The following FBLN5 variants were observed in gnomAD, a reference collection of about 807,000 sequenced individuals.
FBLN5 encodes the protein fibulin 5.
FBLN5 carries 24 observed loss-of-function variants against 61.6 expected under a neutral mutation model. That is an observed-to-expected ratio of 0.39 (90% CI 0.28 to 0.55). The LOEUF is 0.55. Among genes scored for constraint, FBLN5 ranks in the 20% least tolerant of loss-of-function variants. FBLN5 has a pLI of 0.65. For synonymous variants in FBLN5, 213 were observed against 219.8 expected (o/e 0.97, Z 0.27); for missense variants, 470 against 594.1 (o/e 0.79, Z 2.17).
At chr14:91,887,814 C>T (rs1051826792) in intron 6 of FBLN5, among the ~76,000 whole-genome samples, 13 of 152,100 alleles carry the variant, frequency 8.5e-5, no homozygotes, top group African/African-American at 2.2e-4. Flanking sequence ...ATCCTTACAA[C>T]GAGGACCATT....
chr14:91,879,266 T>C (rs979973668), intron 9 of FBLN5, among the ~76,000 whole-genome samples: 8 of 152,076 alleles, frequency 5.3e-5, no homozygotes, highest in Admixed American at 3.9e-4. Context: ...ATCTGAAAGA[T>C]GGGGCAGGAC....
At chr14:91,903,749 C>T (rs1220557439) in intron 4 of FBLN5, among the ~76,000 whole-genome samples, 2 of 152,176 alleles carry the variant, frequency 1.3e-5, no homozygotes, top group Non-Finnish European at 2.9e-5. Flanking sequence ...CTTCCCTTCA[C>T]GTCCCACTCT....
At chr14:91,931,448 TAACTC>T (rs958315319) in intron 4 of FBLN5, among the ~76,000 whole-genome samples, 15 of 152,054 alleles carry the variant, frequency 9.9e-5, no homozygotes, top group African/African-American at 3.6e-4. Context: ...TCAGGAAAAA[TAACTC>T]AAGAGAAAGC....
chr14:91,917,793 C>G (rs1891258947), intron 4 of FBLN5, among the ~76,000 whole-genome samples: 1 of 152,038 alleles, frequency 6.6e-6, no homozygotes, highest in Admixed American at 6.6e-5. Context: ...AGCCACAGCA[C>G]CAAGAGTAAC....
At chr14:91,887,161 A>G (rs1421602861) in intron 7 of FBLN5, 32 bp downstream of exon 7, 11 of 1,612,974 alleles carry the variant, frequency 6.8e-6, no homozygotes, top group South Asian at 2.2e-5. Flanking sequence ...CCCCAAGTAC[A>G]GGTGGAAGTT....
chr14:91,943,100 T>C lies in FBLN5; in HGVS notation c.18-139A>G. The C allele has an allele frequency of 1.4e-6, 1 of 708,492 alleles. No homozygotes were observed. The highest frequency in any genetic ancestry group is 2.6e-6 in the Non-Finnish European group (1 of 384,220). The allele number at this position is 708,492 out of a possible 1,614,324, so 43.9% of individuals were successfully genotyped here. On this transcript the variant is annotated intron_variant, in intron 1 of 10. Transcript: ENST00000342058. This position sits in a 1 kb window ranked among gnomAD's most constrained non-coding sequence, Gnocchi z 4.0. ...GGTGGGGTGTGCTCCAGGGAGGTCA[T>C]GGTGGTTCCAGACACCGCGACCACC...
intron 4 of FBLN5, among the ~76,000 whole-genome samples, chr14:91,934,261 A>G (rs569005836): frequency 1.6e-4 from 25 of 152,286 alleles, no homozygotes; most frequent in Middle Eastern, 3.4e-3. Flanking sequence ...GACTCTGAGC[A>G]CCCTCGAACA....
At chr14:91,946,261 C>A (rs74360508) in intron 1 of FBLN5, among the ~76,000 whole-genome samples, 1,671 of 147,958 alleles carry the variant, frequency 0.011, 36 homozygotes, top group South Asian at 0.095. Context: ...CACAGCATCA[C>A]GAATAGCTGC....
At position 91,943,053 on chromosome 14, in the gene FBLN5, A is replaced by T; in HGVS notation, c.18-92T>A. Reference sequence around the variant, plus strand: ...ATGCGGCCCGTGACGTGTAACGGTGATATCACCTTGGGCTTGTATGGGGTG... The same window carrying T: ...ATGCGGCCCGTGACGTGTAACGGTGTTATCACCTTGGGCTTGTATGGGGTG... On this transcript the variant is annotated intron_variant, in intron 1 of 10. Coordinates refer to ENST00000342058, the MANE Select transcript of FBLN5 (RefSeq NM_006329.4). The surrounding 1 kb of genome is among the most constrained non-coding windows in gnomAD (Gnocchi z 4.0). The T allele has an allele frequency of 2.3e-6, 2 of 852,526 alleles. No homozygotes were observed. The highest frequency in any genetic ancestry group is 2.0e-5 in the Admixed American group (1 of 50,082). The allele number at this position is 852,526 out of a possible 1,614,324, so 52.8% of individuals were successfully genotyped here.
chr14:91,924,684 C>T (rs1032857406), intron 4 of FBLN5, among the ~76,000 whole-genome samples: 3 of 151,938 alleles, frequency 2.0e-5, no homozygotes, highest in East Asian at 1.9e-4. Flanking sequence ...AATACAATGG[C>T]GAATAAGACA....
chr14:91,934,860 C>T (rs928703744), intron 4 of FBLN5, among the ~76,000 whole-genome samples: 10 of 152,228 alleles, frequency 6.6e-5, no homozygotes, highest in Non-Finnish European at 1.2e-4. Flanking sequence ...TTGGAAGGAG[C>T]GGTAGGTAGA....
At chr14:91,888,834 G>A (rs1406774070) in intron 6 of FBLN5, among the ~76,000 whole-genome samples, 2 of 152,034 alleles carry the variant, frequency 1.3e-5, no homozygotes, top group Non-Finnish European at 2.9e-5. Context: ...CTTTCCCACT[G>A]GCATTGGTTG....
At chr14:91,946,334 TG>T (rs776184182) in intron 1 of FBLN5, among the ~76,000 whole-genome samples, 3 of 151,558 alleles carry the variant, frequency 2.0e-5, no homozygotes, top group African/African-American at 7.3e-5. Flanking sequence ...TAAGAATAGC[TG>T]GGGGGAGGCA....
intron 6 of FBLN5, among the ~76,000 whole-genome samples, chr14:91,890,680 G>A (rs1889952302): frequency 6.6e-6 from 1 of 152,222 alleles, no homozygotes. Context: ...GGCACGCTGA[G>A]TAGCAGGGGA....
intron 4 of FBLN5, among the ~76,000 whole-genome samples, chr14:91,933,265 TTTTTTTATTTTAA>T (rs1383376044): frequency 8.5e-5 from 13 of 152,250 alleles, no homozygotes; most frequent in Non-Finnish European, 1.2e-4. Flanking sequence ...TTTTTGGAAG[TTTTTTTATTTTAA>T]TTTTTTATTT....
intron 8 of FBLN5, among the ~76,000 whole-genome samples, chr14:91,881,717 C>T (rs1889482116): frequency 6.6e-6 from 1 of 151,978 alleles, no homozygotes; most frequent in Admixed American, 6.6e-5. Flanking sequence ...CACTTGAAGC[C>T]AGGAGTTCAA....
intron 2 of FBLN5, among the ~76,000 whole-genome samples, chr14:91,941,728 G>T (rs558821717): frequency 6.6e-6 from 1 of 152,068 alleles, no homozygotes; most frequent in African/African-American, 2.4e-5. Context: ...TCTCACTCTA[G>T]CCCCTACTCT....
chr14:91,903,352 T>A (rs537928725), intron 4 of FBLN5, among the ~76,000 whole-genome samples: 1 of 152,318 alleles, frequency 6.6e-6, no homozygotes, highest in African/African-American at 2.4e-5. Context: ...CCTCCCTTGA[T>A]CACTGGTGGG....
Position 91,891,487 on chromosome 14 carries a change from C to T in FBLN5, c.503-150G>A, listed in dbSNP as rs79340309. On this transcript the variant is annotated intron_variant, in intron 5 of 10. Coordinates refer to ENST00000342058, the MANE Select transcript of FBLN5 (RefSeq NM_006329.4). Reference sequence around the variant, plus strand: ...CCAAGACAGTGCCTACTGAGTGTCACGGATGGTGATGCTGTCTCGAATACA... The same window carrying T: ...CCAAGACAGTGCCTACTGAGTGTCATGGATGGTGATGCTGTCTCGAATACA... The T allele has an allele frequency of 4.7e-3, 3,380 of 719,406 alleles. 11 individuals are homozygous for T. The highest frequency in any genetic ancestry group is 6.2e-3 in the South Asian group (413 of 66,760). 44.6% of individuals were successfully genotyped at this position (719,406 alleles called of 1,614,324 possible). A position where few individuals can be genotyped will look rare whatever the true frequency, so the allele number is the denominator to read the frequency against.
Sources: gnomAD v4.1 joint callset for allele counts (sites outside exome capture counted in the v4.1 genomes callset) on GRCh38, gnomAD v4.1.1 for gene constraint, Gnocchi (gnomAD v3.1) non-coding constraint, MANE v1.5 for transcripts, NCBI Gene and HGNC (gene_info 2026-07-23, HGNC 2026-07-21) for gene names.